The following SYNRG variants were observed in gnomAD, a reference collection of about 807,000 sequenced individuals.
SYNRG encodes synergin gamma, also known as AP1 gamma subunit binding protein 1.
In SYNRG, 37 loss-of-function variants were observed where a neutral mutation model predicts 130.9. The observed-to-expected ratio is 0.28, with a 90% confidence interval of 0.22 to 0.37. The LOEUF (loss-of-function observed/expected upper bound fraction) is 0.37. Ranked by LOEUF, SYNRG falls within the 10% of genes least tolerant of loss-of-function variation. The pLI is 1.00. For synonymous variants in SYNRG, 539 were observed against 568.1 expected (o/e 0.95, Z 0.73); for missense variants, 1,338 against 1,588.9 (o/e 0.84, Z 2.68).
intron 1 of SYNRG, among the ~76,000 whole-genome samples, chr17:37,602,145 G>T (rs1309252852): frequency 6.6e-6 from 1 of 152,070 alleles, no homozygotes; most frequent in Non-Finnish European, 1.5e-5. Flanking sequence ...AGACCAGCCT[G>T]ACCAACATGG....
chr17:37,531,515 C>CCA (rs2056628400), intron 19 of SYNRG, among the ~76,000 whole-genome samples: 1 of 152,102 alleles, frequency 6.6e-6, no homozygotes, highest in African/African-American at 2.4e-5. Flanking sequence ...GTGGCTCATG[C>CCA]CTGTAATCCC....
chr17:37,573,308 C>G (rs752830784), intron 8 of SYNRG, among the ~76,000 whole-genome samples: 6 of 152,062 alleles, frequency 3.9e-5, no homozygotes, highest in Non-Finnish European at 8.8e-5. Context: ...GAGGCTGAGG[C>G]AGGAGAACTG....
intron 1 of SYNRG, 41 bp downstream of exon 1, chr17:37,609,238 C>G: frequency 7.2e-7 from 1 of 1,396,284 alleles, no homozygotes; most frequent in South Asian, 1.6e-5. Flanking sequence ...TCGCCGCCCC[C>G]GCGGAGGCCA....
At chr17:37,523,068 C>A (rs1404276989) in intron 19 of SYNRG, among the ~76,000 whole-genome samples, 1 of 152,172 alleles carries the variant, frequency 6.6e-6, no homozygotes, top group Non-Finnish European at 1.5e-5. Context: ...ACCCTGAAAG[C>A]TAGACAAGAG....
chr17:37,557,710 T>G (rs1030914728), intron 13 of SYNRG, among the ~76,000 whole-genome samples: 1 of 152,156 alleles, frequency 6.6e-6, no homozygotes, highest in African/African-American at 2.4e-5. Context: ...AAGACCCCAC[T>G]GTGGTGATGC....
At chr17:37,536,232 T>G (rs1568301052) in intron 18 of SYNRG, 105 bp from the exon 19 acceptor site, 1 of 1,321,078 alleles carries the variant, frequency 7.6e-7, no homozygotes, top group East Asian at 2.5e-5. Context: ...ACAATGGGTG[T>G]ATCTGGACAG....
intron 13 of SYNRG, among the ~76,000 whole-genome samples, chr17:37,558,776 C>G (rs2059305575): frequency 6.6e-6 from 1 of 152,122 alleles, no homozygotes; most frequent in Admixed American, 6.5e-5. Flanking sequence ...CGTCTGTATC[C>G]TTGAACATAC....
chr17:37,563,558 T>G (rs1391050144), intron 11 of SYNRG, among the ~76,000 whole-genome samples: 2 of 152,186 alleles, frequency 1.3e-5, no homozygotes, highest in Admixed American at 6.5e-5. Flanking sequence ...GACAGTGTCT[T>G]GCTCTGTTGC....
chr17:37,570,995 C>A, intron 9 of SYNRG, 110 bp from the exon 10 acceptor site: 1 of 1,357,066 alleles, frequency 7.4e-7, no homozygotes, highest in South Asian at 1.4e-5. Flanking sequence ...GTTTCCACTC[C>A]AACTCTCAAA....
At chr17:37,550,448 G>C (rs1008857273) in intron 14 of SYNRG, among the ~76,000 whole-genome samples, 7 of 152,096 alleles carry the variant, frequency 4.6e-5, no homozygotes, top group African/African-American at 1.4e-4. Context: ...TATCAGCCAG[G>C]TATTTCTTTG....
At chr17:37,606,091 A>G (rs1196208370) in intron 1 of SYNRG, 2 of 867,328 alleles carry the variant, frequency 2.3e-6, no homozygotes, top group Non-Finnish European at 2.8e-6. Context: ...GAATTTCCTT[A>G]GTTTAAACTC....
intron 17 of SYNRG, among the ~76,000 whole-genome samples, chr17:37,538,683 C>T (rs1242001939): frequency 1.3e-5 from 2 of 152,190 alleles, no homozygotes; most frequent in Non-Finnish European, 2.9e-5. Flanking sequence ...GAACCCCTGA[C>T]TCCCGGGTTC....
chr17:37,555,254 G>A (rs1284469894), intron 13 of SYNRG, among the ~76,000 whole-genome samples: 1 of 152,020 alleles, frequency 6.6e-6, no homozygotes, highest in Non-Finnish European at 1.5e-5. Flanking sequence ...AGCCTCCCAA[G>A]TAGCTGGGAT....
intron 6 of SYNRG, among the ~76,000 whole-genome samples, chr17:37,583,165 T>C (rs2061461266): frequency 6.6e-6 from 1 of 152,128 alleles, no homozygotes; most frequent in Admixed American, 6.6e-5. Context: ...TAATTTTTTG[T>C]ATTTTTAGTA....
chr17:37,525,927 T>C (rs552533248), intron 19 of SYNRG, among the ~76,000 whole-genome samples: 12 of 152,168 alleles, frequency 7.9e-5, no homozygotes, highest in South Asian at 2.1e-4. Context: ...GATCGCGCCA[T>C]TGCACTCCAG....
intron 3 of SYNRG, among the ~76,000 whole-genome samples, chr17:37,595,305 C>T (rs183761559): frequency 1.6e-3 from 242 of 152,238 alleles, no homozygotes; most frequent in African/African-American, 5.5e-3. Flanking sequence ...AAGTTATATA[C>T]ATGTGTTACT....
rs753395640 is a variant in SYNRG, at chr17:37,553,194, C to G, written c.2529G>C (p.Val843=). Residue 843 remains valine (V), a synonymous_variant, in exon 14 of 22, where the codon GTG becomes GTC. Coordinates refer to ENST00000612223, the MANE Select transcript of SYNRG (RefSeq NM_007247.6). ...SVQFDMKLAD[V]GGDLKHVMSD... ...ACATGACATGCTTAAGATCTCCTCC[C>G]ACATCAGCCAATTTCATGTCAAACT... is the stretch of plus-strand genomic sequence containing the variant. 5 of 1,614,014 alleles carry G rather than the reference C, an allele frequency of 3.1e-6. No homozygotes were observed. Among genetic ancestry groups the G allele is most frequent in the Non-Finnish European group, 4.2e-6 (5 of 1,180,020 alleles).
intron 14 of SYNRG, among the ~76,000 whole-genome samples, chr17:37,548,825 T>TA (rs549765253): frequency 0.041 from 4,096 of 100,916 alleles, 134 homozygotes; most frequent in African/African-American, 0.1. Flanking sequence ...AACTCTGTCT[T>TA]AAAAAAAAAA....
At chr17:37,605,354 A>G (rs1264885487) in intron 1 of SYNRG, among the ~76,000 whole-genome samples, 1 of 152,212 alleles carries the variant, frequency 6.6e-6, no homozygotes, top group Non-Finnish European at 1.5e-5. Context: ...AAACTCGTGT[A>G]TATTTTCTTT....
Sources: gnomAD v4.1 joint callset for allele counts (sites outside exome capture counted in the v4.1 genomes callset) on GRCh38, gnomAD v4.1.1 for gene constraint, MANE v1.5 for transcripts, NCBI Gene and HGNC (gene_info 2026-07-23, HGNC 2026-07-21) for gene names.